Variants in NPHP4 observed in about 807,000 individuals in gnomAD.
NPHP4 encodes nephrocystin-4.
In NPHP4, 151 loss-of-function variants were observed where a neutral mutation model predicts 155.8. That is an observed-to-expected ratio of 0.97 (90% confidence interval 0.85 to 1.11). NPHP4 has a LOEUF of 1.11. Among genes scored for constraint, NPHP4 ranks in the 50% least tolerant of loss-of-function variants. The probability of loss-of-function intolerance (pLI) is 0.00; values close to 1 mark genes in which losing one functional copy is unlikely to be tolerated. For missense variants in NPHP4, 1,956 were observed against 1,925.7 expected, an observed-to-expected ratio of 1.02 and a Z score of -0.29; for synonymous variants, 845 against 816.8, an observed-to-expected ratio of 1.03 and a Z score of -0.59.
chr1:5,873,439 T>A, intron 22 of NPHP4, 104 bp from the exon 23 acceptor site: 1 of 861,556 alleles, frequency 1.2e-6, no homozygotes, highest in Non-Finnish European at 2.0e-6. Context: ...GCCACCAGCC[T>A]CCTCTCACAC....
At chr1:5,911,067 T>C (rs1176601452) in intron 11 of NPHP4, among the ~76,000 whole-genome samples, 1 of 152,248 alleles carries the variant, frequency 6.6e-6, no homozygotes, top group Non-Finnish European at 1.5e-5. Context: ...TGCCCTTCTA[T>C]AAATGAGCTC....
chr1:5,888,735 T>G (rs1643952884), intron 17 of NPHP4: 1 of 614,812 alleles, frequency 1.6e-6, no homozygotes, highest in Non-Finnish European at 2.5e-6. Flanking sequence ...TGGCGACTGG[T>G]TTAAAGGCTG....
chr1:5,928,550 C>A (rs925240309), intron 10 of NPHP4, among the ~76,000 whole-genome samples: 1 of 152,142 alleles, frequency 6.6e-6, no homozygotes, highest in African/African-American at 2.4e-5. Flanking sequence ...TTTCATTTCT[C>A]CAAGAGTAGG....
chr1:5,966,928 A>T (rs1651621535), intron 5 of NPHP4, among the ~76,000 whole-genome samples: 1 of 152,244 alleles, frequency 6.6e-6, no homozygotes, highest in East Asian at 1.9e-4. Context: ...CCTCTCAGCC[A>T]TGGGGCCTTG....
chr1:5,863,543 G>A (rs1640859730), intron 29 of NPHP4, 138 bp from the exon 30 acceptor site: 1 of 1,003,798 alleles, frequency 1.0e-6, no homozygotes, highest in Non-Finnish European at 1.5e-6. Flanking sequence ...TCCAAGGCCT[G>A]CCTTTGACTT....
intron 5 of NPHP4, among the ~76,000 whole-genome samples, chr1:5,967,073 GC>G (rs951803478): frequency 1.3e-5 from 2 of 152,198 alleles, no homozygotes; most frequent in African/African-American, 4.8e-5. Flanking sequence ...GCGCTCCCGT[GC>G]TCATCCCCAC....
intron 5 of NPHP4, among the ~76,000 whole-genome samples, 155 bp downstream of exon 5, chr1:5,967,144 C>T (rs1651667964): frequency 6.6e-6 from 1 of 152,250 alleles, no homozygotes. Context: ...GCCAAAAGTC[C>T]AAGGCCACGA....
At chr1:5,958,058 C>A (rs899667747) in intron 6 of NPHP4, among the ~76,000 whole-genome samples, 1 of 152,192 alleles carries the variant, frequency 6.6e-6, no homozygotes, top group South Asian at 2.1e-4. Flanking sequence ...TTAGTGAATA[C>A]GTAAAAAGTA....
intron 11 of NPHP4, among the ~76,000 whole-genome samples, chr1:5,912,012 T>A (rs1310639504): frequency 6.6e-6 from 1 of 152,188 alleles, no homozygotes; most frequent in Admixed American, 6.5e-5. Flanking sequence ...GGGAGCAGCA[T>A]GCGTGTGCAC....
chr1:5,952,400 G>A (rs1648281276), intron 7 of NPHP4, among the ~76,000 whole-genome samples: 1 of 152,216 alleles, frequency 6.6e-6, no homozygotes, highest in Non-Finnish European at 1.5e-5. Context: ...CTTCATCACT[G>A]TTGAAGTTAA....
chr1:5,952,299 A>G (rs960340543), intron 7 of NPHP4, among the ~76,000 whole-genome samples: 1 of 152,194 alleles, frequency 6.6e-6, no homozygotes, highest in African/African-American at 2.4e-5. Context: ...GGGTTTCCCT[A>G]TGCTCATCTG....
rs1414358904 is a variant in NPHP4 at position 5,880,059 on chromosome 1, C to T, written c.2611+55G>A. 2.5e-6 allele frequency: 4 copies of T among 1,604,338 alleles called. No individual in the cohort carries two copies. In the Admixed American group the frequency reaches 6.7e-5, roughly 27 times the overall value. On this transcript the variant is annotated intron_variant, in intron 19 of 29. Transcript: ENST00000378156. Reference sequence around the variant, plus strand: ...CACACACACACACGCAGTCTTCCACCTCTCACCCACCACTCACGACCCACC... The same window carrying T: ...CACACACACACACGCAGTCTTCCACTTCTCACCCACCACTCACGACCCACC...
At position 5,979,162 on chromosome 1, in the gene NPHP4, G is replaced by A. The variant is rs1036607141; in HGVS notation, c.136-749C>T. ...TGACAGGTTCTTACCTGAGACAAGA[G>A]TCCTCCACCTTTCTTTCACCTATTC... On this transcript the variant is annotated intron_variant, in intron 2 of 29. Coordinates refer to ENST00000378156, the MANE Select transcript of NPHP4 (RefSeq NM_015102.5). Among the ~76,000 whole-genome samples the A allele has an allele frequency of 3.3e-5, 5 of 152,222 alleles. No homozygotes were observed. In the East Asian group the frequency reaches 9.6e-4, roughly 29 times the overall value.
chr1:5,969,243 G>A lies in NPHP4; in HGVS notation c.296C>T (p.Thr99Ile). The change falls in exon 4 of 30, where the codon ACA becomes ATA. Residue 99 changes from threonine (T) to isoleucine (I), a missense_variant. By Grantham distance (89) the Thr-to-Ile change is moderately conservative. Coordinates refer to ENST00000378156, the MANE Select transcript of NPHP4 (RefSeq NM_015102.5). ...IVFNEPLYFHTSLNHPHIVAV... is the reference protein window; with the variant it reads ...IVFNEPLYFHISLNHPHIVAV... ...CACGATATGAGGGTGGTTTAGGGAT[G>A]TGTGAAAATACAAGGGCTGCAGAAC... 2.6e-6 allele frequency: 4 copies of A among 1,564,212 alleles called. No individual in the cohort carries two copies. Among genetic ancestry groups the A allele is most frequent in the Non-Finnish European group, 3.5e-6 (4 of 1,147,870 alleles).
In NPHP4 at chr1:5,961,824, G is replaced by C. The variant is rs749121298; in HGVS notation, c.643C>G (p.Pro215Ala). ...NLLVSGLQQI[P>A]GLLPAHGESG... The stretch of plus-strand genomic sequence containing the variant: ...TCTCCATGAGCTGGAAGCAGGCCAG[G>C]TATCTGCTGCAGACCAGACACCAGA... Residue 215 changes from proline (P) to alanine (A), a missense_variant, in exon 6 of 30, where the codon CCT becomes GCT. Coordinates refer to ENST00000378156, the MANE Select transcript of NPHP4 (RefSeq NM_015102.5). 1 of 1,613,174 alleles carries C rather than the reference G, an allele frequency of 6.2e-7. No homozygotes were observed. The highest frequency in any genetic ancestry group is 1.3e-5 in the African/African-American group (1 of 74,926).
At chr1:5,933,932 C>G (rs1201058532) in intron 9 of NPHP4, among the ~76,000 whole-genome samples, 1 of 152,186 alleles carries the variant, frequency 6.6e-6, no homozygotes, top group African/African-American at 2.4e-5. Context: ...CTGCTTCTCT[C>G]TGGCTGGCCA....
At position 5,867,305 on chromosome 1, in the gene NPHP4, C is replaced by A; in HGVS notation, c.3473-190G>T. On this transcript the variant is annotated intron_variant, in intron 24 of 29. Transcript: ENST00000378156. This position sits in a 1 kb window ranked among gnomAD's most constrained non-coding sequence, Gnocchi z 4.1. Reference sequence around the variant, plus strand: ...AGCACTGTGTTCCCTGCATGGACACCGCCCATCCAGCCCACTGCGGCTCGG... The same window carrying A: ...AGCACTGTGTTCCCTGCATGGACACAGCCCATCCAGCCCACTGCGGCTCGG... The A allele has an allele frequency of 1.7e-6, 1 of 583,588 alleles. No homozygotes were observed. The highest frequency in any genetic ancestry group is 2.2e-5 in the South Asian group (1 of 46,298). The allele number at this position is 583,588 out of a possible 1,614,324, so 36.2% of individuals were successfully genotyped here. A position where few individuals can be genotyped will look rare whatever the true frequency, so the allele number is the denominator to read the frequency against.
At chr1:5,907,248 G>T in intron 12 of NPHP4, 26 bp from the exon 13 acceptor site, 1 of 1,463,944 alleles carries the variant, frequency 6.8e-7, no homozygotes, top group East Asian at 2.5e-5. Flanking sequence ...GCACAGGTGA[G>T]GGGCTCAGAA....
At chr1:5,941,778 T>C (rs1252276133) in intron 9 of NPHP4, among the ~76,000 whole-genome samples, 1 of 152,102 alleles carries the variant, frequency 6.6e-6, no homozygotes, top group Non-Finnish European at 1.5e-5. Context: ...GCAGTGACTT[T>C]GAAAACAGGG....
Sources: gnomAD v4.1 joint callset for allele counts (sites outside exome capture counted in the v4.1 genomes callset) on GRCh38, gnomAD v4.1.1 for gene constraint, Gnocchi (gnomAD v3.1) non-coding constraint, MANE v1.5 for transcripts, NCBI Gene and HGNC (gene_info 2026-07-23, HGNC 2026-07-21) for gene names.